SNX29: variants seen among roughly 807,000 people sequenced by gnomAD.
SNX29 encodes the protein sorting nexin-29.
A neutral mutation model predicts 102.1 loss-of-function variants in SNX29; 78 were observed. That is an observed-to-expected ratio of 0.76 (90% CI 0.64 to 0.92). The LOEUF (loss-of-function observed/expected upper bound fraction) is 0.92, where lower values mean the gene tolerates loss of function less well. SNX29 is among the 40% of genes least tolerant of loss of function. The pLI, the probability that SNX29 is intolerant of heterozygous loss-of-function variation, is 0.00. For synonymous variants in SNX29, 580 were observed against 414.5 expected, an observed-to-expected ratio of 1.40 and a Z score of -4.85; for missense variants, 1,280 against 1,061.7, an observed-to-expected ratio of 1.21 and a Z score of -2.86.
chr16:12,149,257 AGTGT>A (rs2055196342), intron 13 of SNX29, among the ~76,000 whole-genome samples: 1 of 152,182 alleles, frequency 6.6e-6, no homozygotes, highest in Non-Finnish European at 1.5e-5. Context: ...AAGGGGAGAA[AGTGT>A]GTGCCAACTT....
intron 13 of SNX29, among the ~76,000 whole-genome samples, chr16:12,140,990 C>A (rs2054848537): frequency 6.6e-6 from 1 of 152,104 alleles, no homozygotes; most frequent in South Asian, 2.1e-4. Context: ...ATTTATAATA[C>A]AAAATAGATT....
intron 14 of SNX29, among the ~76,000 whole-genome samples, chr16:12,263,929 A>G (rs1472459424): frequency 2.6e-5 from 4 of 152,224 alleles, no homozygotes; most frequent in Non-Finnish European, 5.9e-5. Flanking sequence ...TAGACGGTCA[A>G]GGTCATGATC....
At chr16:12,201,689 T>G (rs973652104) in intron 14 of SNX29, among the ~76,000 whole-genome samples, 7 of 152,204 alleles carry the variant, frequency 4.6e-5, no homozygotes, top group Admixed American at 4.6e-4. Flanking sequence ...GCTGTAGATT[T>G]GCACGTCTAG....
chr16:12,247,457 C>G (rs775029379), intron 14 of SNX29, among the ~76,000 whole-genome samples: 9 of 152,074 alleles, frequency 5.9e-5, no homozygotes, highest in Non-Finnish European at 1.2e-4. Flanking sequence ...AAATAAATAC[C>G]TTCCGACTTA....
intron 20 of SNX29, chr16:12,557,696 G>C (rs1197701981): frequency 6.6e-6 from 1 of 152,200 alleles, no homozygotes; most frequent in Non-Finnish European, 1.5e-5. Context: ...AGTGCAGTAG[G>C]CTCGTTTGAT....
chr16:12,498,050 G>T (rs1195514461), intron 19 of SNX29, among the ~76,000 whole-genome samples: 1 of 152,230 alleles, frequency 6.6e-6, no homozygotes, highest in African/African-American at 2.4e-5. Flanking sequence ...CCTGTGGGGA[G>T]AAGGGAAAGA....
intron 11 of SNX29, among the ~76,000 whole-genome samples, chr16:12,116,287 G>A (rs986340913): frequency 6.6e-6 from 1 of 152,174 alleles, no homozygotes; most frequent in African/African-American, 2.4e-5. Flanking sequence ...ATCTCCAAAA[G>A]GTGGAAACAG....
At chr16:11,979,878 A>G (rs1165618957) in intron 1 of SNX29, among the ~76,000 whole-genome samples, 2 of 151,990 alleles carry the variant, frequency 1.3e-5, no homozygotes, top group Non-Finnish European at 2.9e-5. Context: ...CTGGCTTCAT[A>G]TGATCCACCT....
chr16:12,538,798 G>A (rs1385478958), intron 20 of SNX29, among the ~76,000 whole-genome samples: 1 of 152,190 alleles, frequency 6.6e-6, no homozygotes, highest in African/African-American at 2.4e-5. Flanking sequence ...GGGATTACAA[G>A]GCAGAAACCA....
intron 15 of SNX29, among the ~76,000 whole-genome samples, chr16:12,310,724 A>G (rs564857359): frequency 1.3e-5 from 2 of 152,294 alleles, no homozygotes; most frequent in Admixed American, 1.3e-4. Flanking sequence ...ACAAACGTAA[A>G]CATATGTCAA....
intron 20 of SNX29, among the ~76,000 whole-genome samples, chr16:12,565,763 CCTT>C (rs2078976580): frequency 6.6e-6 from 1 of 152,212 alleles, no homozygotes; most frequent in African/African-American, 2.4e-5. Context: ...GCCACCTTCA[CCTT>C]TTTTCATTTT....
intron 19 of SNX29, among the ~76,000 whole-genome samples, chr16:12,508,624 C>G (rs749632250): frequency 6.6e-6 from 1 of 152,210 alleles, no homozygotes; most frequent in Non-Finnish European, 1.5e-5. Context: ...GGCTGTGGTC[C>G]GCCAGAGCGT....
intron 11 of SNX29, among the ~76,000 whole-genome samples, chr16:12,105,064 G>C (rs530270245): frequency 6.6e-6 from 1 of 152,170 alleles, no homozygotes; most frequent in South Asian, 2.1e-4. Flanking sequence ...GCTTACTTTG[G>C]AATTCCAGGG....
intron 12 of SNX29, among the ~76,000 whole-genome samples, chr16:12,128,346 C>G (rs2141400966): frequency 6.6e-6 from 1 of 152,258 alleles, no homozygotes; most frequent in Admixed American, 6.5e-5. Flanking sequence ...CAGGGAGCCC[C>G]AGGCCCCAAG....
intron 14 of SNX29, among the ~76,000 whole-genome samples, chr16:12,220,530 G>A (rs371652361): frequency 1.8e-4 from 28 of 152,260 alleles, no homozygotes; most frequent in African/African-American, 6.7e-4. Flanking sequence ...GTGAAAAATG[G>A]AAAGAGTGAA....
chr16:12,279,699 C>T (rs960281197), intron 15 of SNX29, among the ~76,000 whole-genome samples: 4 of 152,220 alleles, frequency 2.6e-5, no homozygotes, highest in African/African-American at 9.6e-5. Flanking sequence ...GTGTCTTTGC[C>T]ACCTCTGTAC....
At chr16:12,242,601 C>T (rs902959122) in intron 14 of SNX29, among the ~76,000 whole-genome samples, 30 of 142,508 alleles carry the variant, frequency 2.1e-4, no homozygotes, top group African/African-American at 3.9e-4. Context: ...TTCTTCTTCT[C>T]TTCTTCTTCT....
rs1555544980 is a variant in SNX29, at chr16:12,463,853, TGA to T, written c.2038-13861_2038-13860del. 2.9e-3 allele frequency among the ~76,000 whole-genome samples: 403 copies of T among 137,376 alleles called. 3 individuals are homozygous for T. The highest frequency in any genetic ancestry group is 0.021 in the East Asian group (86 of 4,164). 90.1% of individuals were successfully genotyped at this position (137,376 alleles called of 152,430 possible). A position where few individuals can be genotyped will look rare whatever the true frequency, so the allele number is the denominator to read the frequency against. On this transcript the variant is annotated intron_variant, in intron 18 of 20. Transcript: ENST00000566228. ...GTGTGTGTGTGTGTGTGTGTGTGTG[TGA>T]GAGATGACACTTAAAGTTGGCTTTC...
At chr16:12,539,550 C>T (rs373071321) in intron 20 of SNX29, among the ~76,000 whole-genome samples, 1 of 152,192 alleles carries the variant, frequency 6.6e-6, no homozygotes, top group Non-Finnish European at 1.5e-5. Context: ...TGGAAACATT[C>T]AAGTGCAGCT....
Sources: gnomAD v4.1 joint callset for allele counts (sites outside exome capture counted in the v4.1 genomes callset) on GRCh38, gnomAD v4.1.1 for gene constraint, MANE v1.5 for transcripts, NCBI Gene and HGNC (gene_info 2026-07-23, HGNC 2026-07-21) for gene names.